RBMX2: variants seen among roughly 807,000 people sequenced by gnomAD.
RBMX2 encodes the protein RNA-binding motif protein, X-linked 2.
For synonymous variants in RBMX2, 77 were observed against 94.3 expected, an observed-to-expected ratio of 0.82 and a Z score of 1.07; for missense variants, 191 against 256.0, an observed-to-expected ratio of 0.75 and a Z score of 1.73.
chrX:130,406,107 G>A (rs1424262203), intron 3 of RBMX2, among the ~76,000 whole-genome samples: 1 of 66,477 alleles, frequency 1.5e-5, no homozygotes, highest in Admixed American at 1.4e-4. Context: ...CGCCCGCCTC[G>A]GCCTCCCAAA....
chrX:130,402,225 A>AGCCCCCCCC, intron 1 of RBMX2, 30 bp from the exon 2 acceptor site: 3 of 984,789 alleles, frequency 3.0e-6, no homozygotes, highest in Non-Finnish European at 4.2e-6. Flanking sequence ...TTTTCTGCCT[A>AGCCCCCCCC]CCCTCCCCAC....
At chrX:130,408,912 A>C (rs1329477639) in intron 3 of RBMX2, among the ~76,000 whole-genome samples, 1 of 112,521 alleles carries the variant, frequency 8.9e-6, no homozygotes, top group African/African-American at 3.2e-5. Context: ...CATTTCAAAT[A>C]GCTTTTTTAA....
intron 4 of RBMX2, among the ~76,000 whole-genome samples, chrX:130,410,769 A>G (rs2034508649): frequency 8.9e-6 from 1 of 112,335 alleles, no homozygotes; most frequent in African/African-American, 3.2e-5. Flanking sequence ...TTGTTCCAGT[A>G]TGGTGGGGCT....
Position 130,412,746 on chromosome X carries a change from T to A in RBMX2, c.867T>A (p.Tyr289Ter). ...ATGGGCGTTCTGAAGGGCGTAGTTATAGAAGTAGAAGTAGGAGCCGAGATA... is the reference window on the plus strand; with the variant it reads ...ATGGGCGTTCTGAAGGGCGTAGTTAAAGAAGTAGAAGTAGGAGCCGAGATA... ...WYNGRSEGRS[Y>*]RSRSRSRDKS... The change falls in exon 6 of 6, where the codon TAT (tyrosine) becomes TAA (stop). Residue 289 changes from tyrosine (Y) to a stop codon, truncating the protein, a stop_gained. Transcript: ENST00000305536. LOFTEE classifies it low-confidence loss of function (END_TRUNC). The A allele has an allele frequency of 8.3e-7, 1 of 1,210,946 alleles. No individual in the cohort carries two copies. The highest frequency in any genetic ancestry group is 1.8e-5 in the South Asian group (1 of 56,950).
Position 130,406,234 on chromosome X carries a change from G to A in RBMX2, c.173+2381G>A, listed in dbSNP as rs769964731. Among the ~76,000 whole-genome samples the A allele has an allele frequency of 1.8e-4, 20 of 110,790 alleles. 1 individual carries two copies. The South Asian group carries it at 7.3e-3, about 41-fold the overall frequency. On this transcript the variant is annotated intron_variant, in intron 3 of 5. Transcript: ENST00000305536. Reference sequence around the variant, plus strand: ...AGCCCATTATTTTTCTTTGTAAATTGTCTATTCATATCCTTTGCCAACTTT... The same window carrying A: ...AGCCCATTATTTTTCTTTGTAAATTATCTATTCATATCCTTTGCCAACTTT...
chrX:130,409,418 C>CT, intron 4 of RBMX2, 32 bp downstream of exon 4: 1 of 1,184,818 alleles, frequency 8.4e-7, no homozygotes, highest in Non-Finnish European at 1.1e-6. Flanking sequence ...GTTGGTTGGA[C>CT]TTTTTTCCCA....
chrX:130,411,327 A>T (rs1357534129), intron 4 of RBMX2, 21 bp from the exon 5 acceptor site: 18 of 1,151,205 alleles, frequency 1.6e-5, no homozygotes, highest in Non-Finnish European at 2.0e-5. Flanking sequence ...TCTTCACTGA[A>T]GCATCGCCTG....
chrX:130,411,175 A>G, intron 4 of RBMX2, 173 bp from the exon 5 acceptor site: 1 of 380,575 alleles, frequency 2.6e-6, no homozygotes, highest in Non-Finnish European at 4.4e-6. Flanking sequence ...ATGTATTAAT[A>G]TTTAGGTGTA....
At chrX:130,408,436 A>G (rs1405416867) in intron 3 of RBMX2, among the ~76,000 whole-genome samples, 1 of 112,219 alleles carries the variant, frequency 8.9e-6, no homozygotes, top group African/African-American at 3.2e-5. Context: ...GCCACATTTC[A>G]TAAGTTTTGG....
At chrX:130,407,773 G>A (rs1171830119) in intron 3 of RBMX2, among the ~76,000 whole-genome samples, 2 of 107,138 alleles carry the variant, frequency 1.9e-5, no homozygotes, top group African/African-American at 3.4e-5. Context: ...TCCGCCCCAC[G>A]CACCCTCCTG....
At chrX:130,405,127 C>T (rs1321339830) in intron 3 of RBMX2, among the ~76,000 whole-genome samples, 16 of 111,599 alleles carry the variant, frequency 1.4e-4, no homozygotes, top group African/African-American at 5.2e-4. Flanking sequence ...GCTTGTAATC[C>T]CAGCACTTTG....
chrX:130,405,334 G>A (rs1194202239), intron 3 of RBMX2, among the ~76,000 whole-genome samples: 1 of 108,986 alleles, frequency 9.2e-6, no homozygotes, highest in Non-Finnish European at 1.9e-5. Flanking sequence ...AGCCAGGATT[G>A]CGCCATTGCA....
intron 3 of RBMX2, among the ~76,000 whole-genome samples, chrX:130,406,533 TGTG>T (rs1021286744): frequency 3.7e-5 from 4 of 109,132 alleles, no homozygotes; most frequent in African/African-American, 1.0e-4. Context: ...AGTAGCCAGG[TGTG>T]GTGGTGGGTG....
chrX:130,402,224 T>TAGCC, intron 1 of RBMX2, 31 bp from the exon 2 acceptor site: 6 of 1,174,322 alleles, frequency 5.1e-6, no homozygotes, highest in African/African-American at 3.6e-5. Flanking sequence ...CTTTTCTGCC[T>TAGCC]ACCCTCCCCA....
At chrX:130,407,000 A>G (rs999285953) in intron 3 of RBMX2, among the ~76,000 whole-genome samples, 3 of 111,365 alleles carry the variant, frequency 2.7e-5, no homozygotes, top group African/African-American at 3.3e-5. Context: ...TTTTCAGATT[A>G]GGGATGCTCA....
chrX:130,403,722 CT>C (rs1211679603), intron 2 of RBMX2, 79 bp from the exon 3 acceptor site: 6 of 924,947 alleles, frequency 6.5e-6, no homozygotes, highest in Non-Finnish European at 9.4e-6. Flanking sequence ...GTTTCCACCC[CT>C]AGTGCCTGGC....
In RBMX2 at chrX:130,402,237, C is replaced by G. The variant is rs756209458; in HGVS notation, c.6-18C>G. Reference sequence around the variant, plus strand: ...TGCTTTTCTGCCTACCCTCCCCACCCCCCCCGCCACCGTGAAGCCCTTTAA... The same window carrying G: ...TGCTTTTCTGCCTACCCTCCCCACCGCCCCCGCCACCGTGAAGCCCTTTAA... On this transcript the variant is annotated intron_variant, in intron 1 of 5. Coordinates refer to ENST00000305536, the MANE Select transcript of RBMX2 (RefSeq NM_016024.4). 2.7e-5 allele frequency: 32 copies of G among 1,175,993 alleles called. No homozygotes were observed. Among genetic ancestry groups the G allele is most frequent in the Middle Eastern group, 2.9e-4 (1 of 3,416 alleles).
intron 3 of RBMX2, among the ~76,000 whole-genome samples, chrX:130,408,242 C>A (rs942632607): frequency 2.1e-4 from 24 of 111,691 alleles, no homozygotes; most frequent in Non-Finnish European, 1.3e-4. Context: ...AAACAGCCCT[C>A]CCACCTTGGC....
intron 3 of RBMX2, 175 bp downstream of exon 3, chrX:130,404,028 C>A: frequency 2.2e-6 from 1 of 450,723 alleles, no homozygotes; most frequent in Non-Finnish European, 3.9e-6. Flanking sequence ...CTAGAATGTT[C>A]TGTGGGAGAT....
Sources: allele counts gnomAD v4.1 joint callset (sites outside exome capture counted in the v4.1 genomes callset), GRCh38; gene constraint gnomAD v4.1.1; transcripts MANE v1.5; gene names NCBI Gene and HGNC (gene_info 2026-07-23, HGNC 2026-07-21).